SLC24A2: variants seen among roughly 807,000 people sequenced by gnomAD.
SLC24A2 encodes solute carrier family 24 member 2.
Under a neutral mutation model 62.0 loss-of-function variants are expected in SLC24A2, and 36 were observed. The observed-to-expected ratio is 0.58, with a 90% CI of 0.44 to 0.77. SLC24A2 has a LOEUF of 0.77. Among genes scored for constraint, SLC24A2 ranks in the 30% least tolerant of loss-of-function variants. The probability of loss-of-function intolerance (pLI) is 0.00; values close to 1 mark genes in which losing one functional copy is unlikely to be tolerated. For synonymous variants in SLC24A2, 358 were observed against 294.0 expected, an observed-to-expected ratio of 1.22 and a Z score of -2.23; for missense variants, 846 against 817.9, an observed-to-expected ratio of 1.03 and a Z score of -0.42.
intron 2 of SLC24A2, among the ~76,000 whole-genome samples, chr9:19,689,904 T>A (rs1163935234): frequency 6.6e-6 from 1 of 152,162 alleles, no homozygotes. Flanking sequence ...GTAAAGCAGA[T>A]AGCCCTCTCC....
chr9:19,895,968 G>A, the SLC24A2 span: 3 of 1,606,706 alleles, frequency 1.9e-6, no homozygotes, highest in African/African-American at 4.0e-5. Flanking sequence ...CTTGGAGCAT[G>A]TAACTCTGCT....
chr9:20,248,439 C>A, the SLC24A2 span, among the ~76,000 whole-genome samples: 34 of 152,304 alleles, frequency 2.2e-4, no homozygotes, highest in Non-Finnish European at 3.2e-4. Context: ...ATCAAGGCGC[C>A]AACAGATCTA....
At chr9:19,836,901 A>G in the SLC24A2 span, among the ~76,000 whole-genome samples, 5 of 152,180 alleles carry the variant, frequency 3.3e-5, no homozygotes, top group African/African-American at 1.2e-4. Context: ...GGCTTCATCC[A>G]TGGGATGCAA....
At chr9:20,192,336 T>G in the SLC24A2 span, among the ~76,000 whole-genome samples, 2 of 152,094 alleles carry the variant, frequency 1.3e-5, no homozygotes, top group Non-Finnish European at 2.9e-5. Context: ...AAGACTATTT[T>G]GTAGACAAGG....
chr9:19,848,030 G>A, the SLC24A2 span, among the ~76,000 whole-genome samples: 3 of 152,110 alleles, frequency 2.0e-5, no homozygotes, highest in Non-Finnish European at 4.4e-5. Context: ...ACAACCATCA[G>A]CAACTACCTT....
At position 19,721,991 on chromosome 9, in the gene SLC24A2, G is replaced by A. The variant is rs140014485; in HGVS notation, c.930+63946C>T. ...CCATCTTCTAATATAAGGTTATTTT[G>A]CATAATACTTTTCCAAATTCCTCAT... On this transcript the variant is annotated intron_variant, in intron 2 of 10. Transcript: ENST00000341998. Among the ~76,000 whole-genome samples, 270 of 152,058 alleles carry A rather than the reference G, an allele frequency of 1.8e-3. 1 individual carries two copies. Among genetic ancestry groups the A allele is most frequent in the African/African-American group, 6.2e-3 (256 of 41,488 alleles).
chr9:19,560,480 C>T (rs926015010), intron 7 of SLC24A2, among the ~76,000 whole-genome samples: 2 of 152,246 alleles, frequency 1.3e-5, no homozygotes, highest in African/African-American at 4.8e-5. Flanking sequence ...ATGTCCCCCT[C>T]TTTCCCCTCA....
At chr9:19,707,706 C>G (rs996515901) in intron 2 of SLC24A2, among the ~76,000 whole-genome samples, 21 of 152,162 alleles carry the variant, frequency 1.4e-4, no homozygotes, top group South Asian at 8.3e-4. Flanking sequence ...ATTCAACAAC[C>G]CTTCATGCTT....
chr9:20,094,524 A>G, the SLC24A2 span, among the ~76,000 whole-genome samples: 1 of 152,220 alleles, frequency 6.6e-6, no homozygotes, highest in East Asian at 1.9e-4. Flanking sequence ...AGACTTTTCT[A>G]ATGAAGTTTG....
At chr9:19,869,832 A>G in the SLC24A2 span, among the ~76,000 whole-genome samples, 1 of 152,194 alleles carries the variant, frequency 6.6e-6, no homozygotes, top group Non-Finnish European at 1.5e-5. Flanking sequence ...CTACAAATTT[A>G]TCATATTTAG....
chr9:20,281,613 T>C, the SLC24A2 span, among the ~76,000 whole-genome samples: 1 of 152,232 alleles, frequency 6.6e-6, no homozygotes, highest in African/African-American at 2.4e-5. Context: ...TTGTGCCACA[T>C]AGTGTTGGTC....
intron 9 of SLC24A2, among the ~76,000 whole-genome samples, chr9:19,525,493 T>A (rs1403656993): frequency 7.0e-6 from 1 of 143,450 alleles, no homozygotes; most frequent in African/African-American, 2.5e-5. Flanking sequence ...AGCCTTCACC[T>A]CCTGGGATCA....
the SLC24A2 span, among the ~76,000 whole-genome samples, chr9:19,879,121 TC>T: frequency 6.6e-6 from 1 of 152,102 alleles, no homozygotes; most frequent in African/African-American, 2.4e-5. Flanking sequence ...ATGCATCCCC[TC>T]CCACCTCTGT....
At chr9:19,898,270 A>C in the SLC24A2 span, among the ~76,000 whole-genome samples, 1 of 152,214 alleles carries the variant, frequency 6.6e-6, no homozygotes, top group Non-Finnish European at 1.5e-5. Context: ...CTCTGCAGCC[A>C]GGTATGTGTA....
At chr9:19,860,130 C>T in the SLC24A2 span, among the ~76,000 whole-genome samples, 1 of 152,240 alleles carries the variant, frequency 6.6e-6, no homozygotes, top group Admixed American at 6.5e-5. Context: ...TAAGGGAGTA[C>T]TGACATCATC....
chr9:20,071,447 G>T, the SLC24A2 span, among the ~76,000 whole-genome samples: 1 of 152,190 alleles, frequency 6.6e-6, no homozygotes. Context: ...GAGACTTTGA[G>T]CTCGGGATGG....
At chr9:19,536,089 T>C (rs1023511399) in intron 8 of SLC24A2, among the ~76,000 whole-genome samples, 1 of 151,940 alleles carries the variant, frequency 6.6e-6, no homozygotes, top group Admixed American at 6.6e-5. Flanking sequence ...AGGCATTTTA[T>C]TCTCTTTGTA....
the SLC24A2 span, among the ~76,000 whole-genome samples, chr9:19,803,057 T>C: frequency 6.6e-6 from 1 of 152,214 alleles, no homozygotes; most frequent in Admixed American, 6.5e-5. Flanking sequence ...CACTTTGATC[T>C]TGGACTTCTC....
At chr9:20,304,081 CTGAG>C in the SLC24A2 span, among the ~76,000 whole-genome samples, 3 of 152,176 alleles carry the variant, frequency 2.0e-5, no homozygotes, top group African/African-American at 7.2e-5. Context: ...GGGTTTTATG[CTGAG>C]TGACTCTGAA....
Sources: gnomAD v4.1 joint callset for allele counts (sites outside exome capture counted in the v4.1 genomes callset) on GRCh38, gnomAD v4.1.1 for gene constraint, MANE v1.5 for transcripts, NCBI Gene and HGNC (gene_info 2026-07-23, HGNC 2026-07-21) for gene names.